Variants in RGS7 observed in about 807,000 individuals in gnomAD.
RGS7 encodes the protein regulator of G protein signaling 7, also known as regulator of G-protein signaling 7.
RGS7 carries 27 observed loss-of-function variants against 81.1 expected under a neutral mutation model. The ratio of observed to expected loss-of-function variants is 0.33; its 90% CI spans 0.25 to 0.46. The LOEUF (loss-of-function observed/expected upper bound fraction) is 0.46. RGS7 is among the 20% of genes least tolerant of loss of function. The pLI is 1.00. For synonymous variants in RGS7, 208 were observed against 207.7 expected (o/e 1.00, Z -0.01); for missense variants, 396 against 607.4 (o/e 0.65, Z 3.66).
At chr1:241,321,505 C>A (rs2081209852) in intron 2 of RGS7, among the ~76,000 whole-genome samples, 2 of 152,144 alleles carry the variant, frequency 1.3e-5, no homozygotes, top group South Asian at 2.1e-4. Context: ...CAAAGGCACA[C>A]TGAAAAATCT....
chr1:241,224,080 C>CAT (rs1416719282), intron 2 of RGS7, among the ~76,000 whole-genome samples: 1 of 141,308 alleles, frequency 7.1e-6, no homozygotes, highest in Non-Finnish European at 1.5e-5. Flanking sequence ...ATATATATAC[C>CAT]ATATATATAT....
At chr1:241,174,910 T>G (rs920123377) in intron 2 of RGS7, among the ~76,000 whole-genome samples, 2 of 141,368 alleles carry the variant, frequency 1.4e-5, no homozygotes, top group Admixed American at 1.4e-4. Context: ...TTTTTTTTTT[T>G]TTTTTTTTTT....
chr1:241,112,122 C>T (rs925361447), intron 2 of RGS7, among the ~76,000 whole-genome samples: 9 of 152,172 alleles, frequency 5.9e-5, no homozygotes, highest in Non-Finnish European at 7.4e-5. Context: ...TCTGAAGCCA[C>T]AAGAGAAAGC....
chr1:241,070,751 T>C (rs567013042), intron 3 of RGS7, among the ~76,000 whole-genome samples: 34 of 142,554 alleles, frequency 2.4e-4, no homozygotes, highest in African/African-American at 8.5e-4. Flanking sequence ...TACATAAAAA[T>C]ACAACAGCCC....
chr1:241,043,652 AT>A (rs1250038428), intron 3 of RGS7, among the ~76,000 whole-genome samples: 1 of 146,544 alleles, frequency 6.8e-6, no homozygotes, highest in African/African-American at 2.5e-5. Flanking sequence ...ACATAGTTAT[AT>A]TTATATAATA....
chr1:241,357,204 T>G lies in RGS7; in HGVS notation c.-356A>C, dbSNP rs1458363713. On this transcript the variant is annotated 5_prime_UTR_variant, in exon 1 of 19. Transcript: ENST00000440928. ...GGGACCAGCCGAGCGCGCGCGGGAGTCGAGACGCCCGGCCCGTGCGCGCGA... is the reference window on the plus strand; with the variant it reads ...GGGACCAGCCGAGCGCGCGCGGGAGGCGAGACGCCCGGCCCGTGCGCGCGA... 1.3e-5 allele frequency: 2 copies of G among 150,126 alleles called. No individual in the cohort carries two copies. Among genetic ancestry groups the G allele is most frequent in the African/African-American group, 4.9e-5 (2 of 40,594 alleles). 9.3% of individuals were successfully genotyped at this position (150,126 alleles called of 1,614,324 possible).
intron 2 of RGS7, among the ~76,000 whole-genome samples, chr1:241,285,684 T>A (rs2078767971): frequency 6.6e-6 from 1 of 152,144 alleles, no homozygotes; most frequent in Non-Finnish European, 1.5e-5. Context: ...CCAGAGTCAG[T>A]GCTTTCAAAC....
chr1:241,355,646 A>C, intron 2 of RGS7, 53 bp downstream of exon 2: 3 of 1,537,698 alleles, frequency 2.0e-6, no homozygotes, highest in Non-Finnish European at 2.7e-6. Context: ...GGGGGAAAAA[A>C]ATCGAGAAAG....
intron 2 of RGS7, among the ~76,000 whole-genome samples, chr1:241,240,814 G>A (rs2148136126): frequency 6.6e-6 from 1 of 152,098 alleles, no homozygotes; most frequent in African/African-American, 2.4e-5. Flanking sequence ...CTAGGATCGG[G>A]GAGCAAATAT....
intron 2 of RGS7, among the ~76,000 whole-genome samples, chr1:241,218,030 T>C (rs1163944146): frequency 2.0e-5 from 3 of 152,172 alleles, no homozygotes; most frequent in African/African-American, 7.2e-5. Flanking sequence ...TAAATAGATA[T>C]ATTTGTGTGT....
intron 6 of RGS7, chr1:240,920,615 A>C (rs1482276756): frequency 9.2e-7 from 1 of 1,090,276 alleles, no homozygotes; most frequent in East Asian, 2.4e-5. Context: ...GATTTTAATT[A>C]GGAAACAAAG....
chr1:240,876,124 C>T (rs1286404358), intron 6 of RGS7, among the ~76,000 whole-genome samples: 1 of 152,138 alleles, frequency 6.6e-6, no homozygotes, highest in Non-Finnish European at 1.5e-5. Context: ...AACAGAGCCA[C>T]CTCCCTTTCA....
At chr1:241,353,852 C>T (rs2083398425) in intron 2 of RGS7, among the ~76,000 whole-genome samples, 1 of 152,032 alleles carries the variant, frequency 6.6e-6, no homozygotes, top group African/African-American at 2.4e-5. Context: ...CCAAAATTAC[C>T]AATATGAGGC....
chr1:240,929,510 T>C (rs1675043068), intron 6 of RGS7, among the ~76,000 whole-genome samples: 1 of 152,226 alleles, frequency 6.6e-6, no homozygotes, highest in South Asian at 2.1e-4. Flanking sequence ...TAGTTTCGAC[T>C]CTTTTGACTA....
chr1:241,023,735 T>TATTG (rs139919207), intron 3 of RGS7, among the ~76,000 whole-genome samples: 2,111 of 152,234 alleles, frequency 0.014, 38 homozygotes, highest in African/African-American at 0.042. Context: ...ATGCTTTTCA[T>TATTG]ATTGATTGAT....
At chr1:241,295,227 T>G (rs887821725) in intron 2 of RGS7, among the ~76,000 whole-genome samples, 1 of 151,742 alleles carries the variant, frequency 6.6e-6, no homozygotes, top group Non-Finnish European at 1.5e-5. Context: ...GGCGGGCGGA[T>G]CACAAGGTCA....
Position 241,121,363 on chromosome 1 carries a change from G to A in RGS7, c.79-22601C>T, listed in dbSNP as rs796211593. On this transcript the variant is annotated intron_variant, in intron 2 of 18. Transcript: ENST00000440928. Reference sequence around the variant, plus strand: ...GGCTAAGGTTTAGTGCAATACACCTGGGAGAGACCTTGAGGTATGTATGCA... The same window carrying A: ...GGCTAAGGTTTAGTGCAATACACCTAGGAGAGACCTTGAGGTATGTATGCA... 3.0e-4 allele frequency among the ~76,000 whole-genome samples: 46 copies of A among 152,284 alleles called. 1 individual carries two copies. Among genetic ancestry groups the A allele is most frequent in the African/African-American group, 1.1e-3 (46 of 41,564 alleles).
At chr1:241,192,159 G>GGTATGTGTGTGTGTGTGTGT (rs1432006795) in intron 2 of RGS7, among the ~76,000 whole-genome samples, 2 of 122,010 alleles carry the variant, frequency 1.6e-5, no homozygotes, top group East Asian at 4.4e-4. Flanking sequence ...AGAGAAAACA[G>GGTATGTGTGTGTGTGTGTGT]GTGTGTGTGT....
chr1:240,919,953 T>G, intron 6 of RGS7: 1 of 1,333,144 alleles, frequency 7.5e-7, no homozygotes, highest in Non-Finnish European at 1.1e-6. Flanking sequence ...AGGTGCCCAC[T>G]TAACTGTGAA....
Sources: gnomAD v4.1 joint callset for allele counts (sites outside exome capture counted in the v4.1 genomes callset) on GRCh38, gnomAD v4.1.1 for gene constraint, MANE v1.5 for transcripts, NCBI Gene and HGNC (gene_info 2026-07-23, HGNC 2026-07-21) for gene names.